ERICH6B: variants seen among roughly 807,000 people sequenced by gnomAD.
The protein encoded by ERICH6B is glutamate rich 6B, also known as glutamate-rich protein 6B.
In ERICH6B, 69 loss-of-function variants were observed where a neutral mutation model predicts 80.0. The ratio of observed to expected loss-of-function variants is 0.86; its 90% CI spans 0.71 to 1.05. The LOEUF is 1.05. ERICH6B is among the 50% of genes least tolerant of loss of function. ERICH6B has a pLI of 0.00. For synonymous variants in ERICH6B, 283 were observed against 291.9 expected, an observed-to-expected ratio of 0.97 and a Z score of 0.31; for missense variants, 754 against 796.1, an observed-to-expected ratio of 0.95 and a Z score of 0.64.
intron 12 of ERICH6B, 35 bp from the exon 13 acceptor site, chr13:45,550,080 T>C (rs1296365966): frequency 2.6e-6 from 4 of 1,549,088 alleles, no homozygotes; most frequent in Non-Finnish European, 2.6e-6. Context: ...AGTCAGTCCT[T>C]GGGGTCCCCT....
chr13:45,549,510 A>G (rs1566284765), intron 13 of ERICH6B, among the ~76,000 whole-genome samples: 1 of 152,330 alleles, frequency 6.6e-6, no homozygotes, highest in Non-Finnish European at 1.5e-5. Context: ...GTTTTGGACC[A>G]TGGACTCTGT....
chr13:45,581,211 T>A (rs1229352348), intron 5 of ERICH6B, among the ~76,000 whole-genome samples: 1 of 152,202 alleles, frequency 6.6e-6, no homozygotes, highest in Non-Finnish European at 1.5e-5. Context: ...TTAGGACTTT[T>A]GTAAGTTCTT....
At chr13:45,556,779 G>A (rs1342740401) in intron 11 of ERICH6B, among the ~76,000 whole-genome samples, 1 of 151,454 alleles carries the variant, frequency 6.6e-6, no homozygotes, top group Non-Finnish European at 1.5e-5. Context: ...ATATGTGTGT[G>A]TATATATATA....
chr13:45,584,296 A>G (rs2985948), intron 5 of ERICH6B, among the ~76,000 whole-genome samples: 151,648 of 152,302 alleles, frequency 1, 75,500 homozygotes, highest in Middle Eastern at 1. Context: ...TATGGATCAC[A>G]AGGCATTTCC....
intron 9 of ERICH6B, 67 bp downstream of exon 9, chr13:45,568,248 T>A: frequency 6.9e-7 from 1 of 1,451,246 alleles, no homozygotes; most frequent in Non-Finnish European, 9.1e-7. Context: ...AGTTTACACT[T>A]TCCCTGCTGC....
rs151196473 is a variant in ERICH6B, at chr13:45,566,252, C to T, written c.1187+2063G>A. On this transcript the variant is annotated intron_variant, in intron 9 of 14. Coordinates refer to ENST00000298738, the MANE Select transcript of ERICH6B (RefSeq NM_182542.3). ...AAGCAGAGCATAAAATATCAGAAAA[C>T]TTGCAGCCTGACAATGCAATAGAAA... Among the ~76,000 whole-genome samples the T allele has an allele frequency of 7.4e-3, 1,121 of 152,356 alleles. 13 individuals are homozygous for T. The highest frequency in any genetic ancestry group is 0.025 in the African/African-American group (1,044 of 41,584).
At chr13:45,585,417 C>T (rs749352114) in intron 5 of ERICH6B, among the ~76,000 whole-genome samples, 4 of 152,120 alleles carry the variant, frequency 2.6e-5, no homozygotes, top group Admixed American at 6.5e-5. Flanking sequence ...GTTCTGTTGG[C>T]CAGACACAAT....
intron 1 of ERICH6B, among the ~76,000 whole-genome samples, chr13:45,613,732 A>G (rs1474774985): frequency 6.6e-6 from 1 of 152,192 alleles, no homozygotes; most frequent in Non-Finnish European, 1.5e-5. Context: ...GTTTGGAGGG[A>G]TTAAATATGA....
Position 45,587,167 on chromosome 13 carries a change from G to A in ERICH6B, c.752C>T (p.Pro251Leu), listed in dbSNP as rs2138009943. The change falls in exon 5 of 15, where the codon CCT becomes CTT. Residue 251 changes from proline (P) to leucine (L), a missense_variant. Coordinates refer to ENST00000298738, the MANE Select transcript of ERICH6B (RefSeq NM_182542.3). Reference sequence around the variant, plus strand: ...TGTGGCAGATTCAGAGACAGGAGAAGGGGTAGCGAAAGTCAACGGGACAGT... The same window carrying A: ...TGTGGCAGATTCAGAGACAGGAGAAAGGGTAGCGAAAGTCAACGGGACAGT... The part of the protein sequence containing the change: ...FLTVPLTFAT[P>L]SPVSESATES... 4 of 1,551,710 alleles carry A rather than the reference G, an allele frequency of 2.6e-6. No homozygotes were observed. In the East Asian group the frequency reaches 9.8e-5, roughly 38 times the overall value.
At chr13:45,576,574 C>A (rs969882190) in intron 7 of ERICH6B, among the ~76,000 whole-genome samples, 20 of 152,150 alleles carry the variant, frequency 1.3e-4, no homozygotes, top group African/African-American at 4.6e-4. Flanking sequence ...AGAAAAGGGG[C>A]CTGAGAGACC....
chr13:45,586,239 G>A (rs888997322), intron 5 of ERICH6B, among the ~76,000 whole-genome samples: 5 of 152,046 alleles, frequency 3.3e-5, no homozygotes, highest in African/African-American at 9.7e-5. Flanking sequence ...TAGGGTTTCT[G>A]GCTCCTAATT....
intron 11 of ERICH6B, among the ~76,000 whole-genome samples, chr13:45,558,222 A>G (rs1471875987): frequency 6.6e-6 from 1 of 152,112 alleles, no homozygotes; most frequent in Non-Finnish European, 1.5e-5. Context: ...TGAGATCTTG[A>G]TTTGATTCTC....
intron 2 of ERICH6B, among the ~76,000 whole-genome samples, chr13:45,604,399 T>TG: frequency 6.6e-6 from 1 of 152,196 alleles, no homozygotes; most frequent in Non-Finnish European, 1.5e-5. Flanking sequence ...AAGCCCCTCA[T>TG]GCTGCCCATC....
In ERICH6B at chr13:45,550,043, T is replaced by C. The variant is rs902640627; in HGVS notation, c.1496A>G (p.Tyr499Cys). Residue 499 changes from tyrosine (Y) to cysteine (C), a missense_variant and splice_region_variant, in exon 13 of 15, where the codon TAT (tyrosine) becomes TGT (cysteine). Coordinates refer to ENST00000298738, the MANE Select transcript of ERICH6B (RefSeq NM_182542.3). ...LFPDGTGQIH[Y>C]PSGNLAMLIL... ...GAGCATAGCCAGGTTTCCTGATGGATAACTGGGAGAAGGTTAAGGCACAAG... is the reference window on the plus strand; with the variant it reads ...GAGCATAGCCAGGTTTCCTGATGGACAACTGGGAGAAGGTTAAGGCACAAG... 9 of 1,551,688 alleles carry C rather than the reference T, an allele frequency of 5.8e-6. No individual in the cohort carries two copies. Among genetic ancestry groups the C allele is most frequent in the Non-Finnish European group, 7.8e-6 (9 of 1,147,082 alleles).
At position 45,563,861 on chromosome 13, in the gene ERICH6B, A is replaced by C. The variant is rs1000091393; in HGVS notation, c.1188-73T>G. 3 of 1,254,758 alleles carry C rather than the reference A, an allele frequency of 2.4e-6. No homozygotes were observed. In the East Asian group the frequency reaches 7.6e-5, roughly 32 times the overall value. 77.7% of individuals were successfully genotyped at this position (1,254,758 alleles called of 1,614,324 possible). A position where few individuals can be genotyped will look rare whatever the true frequency, so the allele number is the denominator to read the frequency against. ...ATACATGCCATCACACACAGTGCAG[A>C]CAGTACTGGAGCCTGCAGAGTCTCT... On this transcript the variant is annotated intron_variant, in intron 9 of 14. Transcript: ENST00000298738.
chr13:45,549,833 C>T (rs41292937), intron 13 of ERICH6B, 60 bp downstream of exon 13: 64,078 of 1,510,022 alleles, frequency 0.042, 1,946 homozygotes, highest in South Asian at 0.12. Context: ...CTGGGAGTCA[C>T]GCTTTTTCCA....
intron 11 of ERICH6B, among the ~76,000 whole-genome samples, chr13:45,552,055 C>A (rs1874245224): frequency 6.6e-6 from 1 of 152,164 alleles, no homozygotes; most frequent in South Asian, 2.1e-4. Context: ...TTTCATTTTA[C>A]TCCATTCTAA....
At chr13:45,580,884 T>G (rs1395293940) in intron 5 of ERICH6B, among the ~76,000 whole-genome samples, 2 of 152,168 alleles carry the variant, frequency 1.3e-5, no homozygotes, top group Non-Finnish European at 2.9e-5. Flanking sequence ...TGCAATAAAT[T>G]AGTCGTCAGA....
At chr13:45,606,518 TATATATATATATATATATATA>T (rs1566307697) in intron 2 of ERICH6B, among the ~76,000 whole-genome samples, 4 of 15,380 alleles carry the variant, frequency 2.6e-4, no homozygotes, top group African/African-American at 6.6e-4. Flanking sequence ...TATATATATA[TATATATATATATATATATATA>T]TATATATATT....
Sources: allele counts gnomAD v4.1 joint callset (sites outside exome capture counted in the v4.1 genomes callset), GRCh38; gene constraint gnomAD v4.1.1; transcripts MANE v1.5; gene names NCBI Gene and HGNC (gene_info 2026-07-23, HGNC 2026-07-21).